The following RPTOR variants were observed in gnomAD, a reference collection of about 807,000 sequenced individuals.
RPTOR encodes the protein regulatory associated protein of MTOR complex 1, also known as regulatory-associated protein of mTOR.
A neutral mutation model predicts 169.9 loss-of-function variants in RPTOR; 21 were observed. That is an observed-to-expected ratio of 0.12 (90% CI 0.09 to 0.18). The LOEUF is 0.18. RPTOR is among the 10% of genes least tolerant of loss of function. The probability of loss-of-function intolerance (pLI) is 1.00; values close to 1 mark genes in which losing one functional copy is unlikely to be tolerated. For synonymous variants in RPTOR, 732 were observed against 753.2 expected (o/e 0.97, Z 0.46); for missense variants, 1,133 against 1,855.9 (o/e 0.61, Z 7.16).
chr17:80,713,314 G>A (rs995814318), intron 4 of RPTOR, among the ~76,000 whole-genome samples: 16 of 152,150 alleles, frequency 1.1e-4, no homozygotes, highest in African/African-American at 3.9e-4. Context: ...CCAAAGTGCT[G>A]GGATCATAGG....
At chr17:80,747,127 G>T (rs1446300613) in intron 5 of RPTOR, among the ~76,000 whole-genome samples, 1 of 152,218 alleles carries the variant, frequency 6.6e-6, no homozygotes, top group African/African-American at 2.4e-5. Context: ...TGAGGGAGGT[G>T]AATCGCTTGA....
chr17:80,772,541 T>G (rs2066854923), intron 6 of RPTOR, among the ~76,000 whole-genome samples: 1 of 103,118 alleles, frequency 9.7e-6, no homozygotes, highest in African/African-American at 3.7e-5. Context: ...ACATGCCTGG[T>G]CCCCCACCCC....
intron 24 of RPTOR, among the ~76,000 whole-genome samples, chr17:80,938,983 C>T (rs2068989422): frequency 6.6e-6 from 1 of 152,234 alleles, no homozygotes; most frequent in South Asian, 2.1e-4. Flanking sequence ...GACGCAAACA[C>T]GGCCATGCGC....
intron 1 of RPTOR, among the ~76,000 whole-genome samples, chr17:80,613,348 T>A (rs995425349): frequency 6.6e-6 from 1 of 152,168 alleles, no homozygotes; most frequent in African/African-American, 2.4e-5. Context: ...CTTATGTGTG[T>A]CTCTTGTCCC....
chr17:80,754,845 G>A lies in RPTOR; in HGVS notation c.830+660G>A, dbSNP rs143765385. ...TGTTTTGCTGAAAAGCTTATATGTC[G>A]TGGCTGTTACCGGCTAGTAGATAAA... On this transcript the variant is annotated intron_variant, in intron 6 of 33. Transcript: ENST00000306801. The surrounding 1 kb of genome is among the most constrained non-coding windows in gnomAD (Gnocchi z 4.2). Among the ~76,000 whole-genome samples the A allele has an allele frequency of 5.1e-4, 78 of 152,218 alleles. No homozygotes were observed. Among genetic ancestry groups the A allele is most frequent in the Non-Finnish European group, 1.0e-3 (69 of 68,026 alleles).
At chr17:80,554,465 G>T (rs9901646) in intron 1 of RPTOR, among the ~76,000 whole-genome samples, 7 of 151,778 alleles carry the variant, frequency 4.6e-5, no homozygotes, top group Non-Finnish European at 1.0e-4. Flanking sequence ...AATCCAAGGT[G>T]GGGTGCGGTG....
intron 1 of RPTOR, among the ~76,000 whole-genome samples, chr17:80,558,614 C>A (rs1335795065): frequency 1.3e-5 from 2 of 152,196 alleles, no homozygotes; most frequent in African/African-American, 2.4e-5. Flanking sequence ...TGTCACCCTC[C>A]ATTTACATAT....
intron 4 of RPTOR, among the ~76,000 whole-genome samples, chr17:80,710,848 T>C (rs997601431): frequency 2.0e-5 from 3 of 152,198 alleles, no homozygotes; most frequent in Non-Finnish European, 4.4e-5. Flanking sequence ...CTAGGCGGAG[T>C]AATCAATAAC....
rs117913440 is a variant in RPTOR at position 80,662,206 on chromosome 17, C to T, written c.348+18396C>T. Among the ~76,000 whole-genome samples the T allele has an allele frequency of 8.0e-3, 1,215 of 152,318 alleles. 8 individuals carry two copies. Among genetic ancestry groups the T allele is most frequent in the Middle Eastern group, 0.014 (4 of 294 alleles). ...TCAGCCCCCTTTCCAGTCAGTTTCT[C>T]CTGGCCGAGGCCAGCCGCCTTCTGC... On this transcript the variant is annotated intron_variant, in intron 3 of 33. Coordinates refer to ENST00000306801, the MANE Select transcript of RPTOR (RefSeq NM_020761.3).
chr17:80,602,800 G>T, intron 1 of RPTOR: 1 of 690,566 alleles, frequency 1.4e-6, no homozygotes, highest in East Asian at 2.7e-5. Flanking sequence ...AGTGCCCAAG[G>T]GGCACGCTTC....
rs1348376976 is a variant in RPTOR, at chr17:80,965,930, C to T, written c.*1600C>T. On this transcript the variant is annotated 3_prime_UTR_variant, in exon 34 of 34. Coordinates refer to ENST00000306801, the MANE Select transcript of RPTOR (RefSeq NM_020761.3). ...CCCGGGTCCGGAAGGTGTAGAGAGT[C>T]CCGGCCTCACTCAGCTCACAGGGCG... 8.6e-6 allele frequency: 2 copies of T among 233,248 alleles called. No homozygotes were observed. The highest frequency in any genetic ancestry group is 4.4e-5 in the African/African-American group (2 of 45,342). The allele number at this position is 233,248 out of a possible 1,614,324, so 14.4% of individuals were successfully genotyped here.
chr17:80,941,373 G>T (rs1458396109), intron 25 of RPTOR: 1 of 152,590 alleles, frequency 6.6e-6, no homozygotes, highest in Non-Finnish European at 1.5e-5. Context: ...TGGGGAGCAG[G>T]GAGGCCCTGA....
intron 5 of RPTOR, chr17:80,743,336 G>T (rs887607671): frequency 1.0e-6 from 1 of 985,382 alleles, no homozygotes; most frequent in South Asian, 4.7e-5. Flanking sequence ...AGGTTCCGCC[G>T]TGCAGAGAAG....
rs1180219872 is a variant in RPTOR, at chr17:80,945,667, G to T, written c.3026G>T (p.Gly1009Val). 1 of 1,594,486 alleles carries T rather than the reference G, an allele frequency of 6.3e-7. No homozygotes were observed. The highest frequency in any genetic ancestry group is 1.7e-5 in the Admixed American group (1 of 59,132). ...RRQAQQVIQK[G>V]ITRLDDQIFL... ...CACTCTTGTGTGTTTCTTTTGACAG[G>T]CATTACGAGATTGGACGACCAAATA... The change falls in exon 26 of 34, where the codon GGC becomes GTC. Residue 1009 changes from glycine to valine, a missense_variant and splice_region_variant. By Grantham distance (109) the Gly-to-Val change is moderately radical. Coordinates refer to ENST00000306801, the MANE Select transcript of RPTOR (RefSeq NM_020761.3).
At chr17:80,884,600 G>A in intron 16 of RPTOR, among the ~76,000 whole-genome samples, 1 of 152,192 alleles carries the variant, frequency 6.6e-6, no homozygotes, top group Middle Eastern at 3.2e-3. Flanking sequence ...TGAGCCCTGT[G>A]TGCTCAGTGC....
chr17:80,738,530 C>CAACGAACT (rs71163995), intron 5 of RPTOR, among the ~76,000 whole-genome samples: 26,174 of 151,754 alleles, frequency 0.17, 2,740 homozygotes, highest in East Asian at 0.24. Flanking sequence ...TTCACAGACA[C>CAACGAACT]GTGTCATTAG....
At chr17:80,876,654 C>A (rs1410891922) in intron 13 of RPTOR, among the ~76,000 whole-genome samples, 1 of 134,184 alleles carries the variant, frequency 7.5e-6, no homozygotes, top group South Asian at 2.6e-4. Context: ...CGAGCCCGTG[C>A]CACGCAGGGT....
rs1311590869 is a variant in RPTOR at position 80,844,845 on chromosome 17, C to T, written c.1213-1628C>T. Among the ~76,000 whole-genome samples, 3 of 152,194 alleles carry T rather than the reference C, an allele frequency of 2.0e-5. No individual in the cohort carries two copies. Among genetic ancestry groups the T allele is most frequent in the South Asian group, 2.1e-4 (1 of 4,836 alleles). On this transcript the variant is annotated intron_variant, in intron 10 of 33. Coordinates refer to ENST00000306801, the MANE Select transcript of RPTOR (RefSeq NM_020761.3). This position sits in a 1 kb window ranked among gnomAD's most constrained non-coding sequence, Gnocchi z 4.7. ...GCACAGCCGACCCCGGCCAGATGAG[C>T]GGAGGGAGGGTTCCTCCCGACCTCC...
rs994826309 is a variant in RPTOR at position 80,844,747 on chromosome 17, G to A, written c.1213-1726G>A. On this transcript the variant is annotated intron_variant, in intron 10 of 33. Coordinates refer to ENST00000306801, the MANE Select transcript of RPTOR (RefSeq NM_020761.3). The surrounding 1 kb of genome is among the most constrained non-coding windows in gnomAD (Gnocchi z 4.7). ...GCTGCCGAGAGCGCTCCTGGACTTG[G>A]GCGCACGGAGGCACCCTGTCCTGCT... is the stretch of plus-strand genomic sequence containing the variant. Among the ~76,000 whole-genome samples, 1 of 152,202 alleles carries A rather than the reference G, an allele frequency of 6.6e-6. No homozygotes were observed. Among genetic ancestry groups the A allele is most frequent in the Non-Finnish European group, 1.5e-5 (1 of 68,034 alleles).
Sources: allele counts gnomAD v4.1 joint callset (sites outside exome capture counted in the v4.1 genomes callset), GRCh38; gene constraint gnomAD v4.1.1; non-coding constraint Gnocchi (gnomAD v3.1); transcripts MANE v1.5; gene names NCBI Gene and HGNC (gene_info 2026-07-23, HGNC 2026-07-21).